ZNF273: variants seen among roughly 807,000 people sequenced by gnomAD.
ZNF273 encodes zinc finger protein 273.
Under a neutral mutation model 14.9 loss-of-function variants are expected in ZNF273, and 11 were observed. The observed-to-expected ratio is 0.74, with a 90% CI of 0.46 to 1.22. ZNF273 has a LOEUF of 1.22. Ranked by LOEUF, ZNF273 falls within the 50% of genes most tolerant of loss-of-function variation. The probability of loss-of-function intolerance (pLI) is 0.00; values close to 1 mark genes in which losing one functional copy is unlikely to be tolerated. For missense variants in ZNF273, 577 were observed against 660.6 expected (o/e 0.87, Z 1.39); for synonymous variants, 199 against 223.9 (o/e 0.89, Z 0.99).
At chr7:64,903,187 C>A, upstream of ZNF273, 1 of 698,324 alleles carries the variant, frequency 1.4e-6, no homozygotes, top group Non-Finnish European at 2.4e-6. Context: ...AAACATCCTC[C>A]AATCAGGGAC....
chr7:64,927,991 AACTC>A lies in ZNF273; in HGVS notation c.665_668del (p.Thr222SerfsTer9), dbSNP rs1407471633. 6.2e-7 allele frequency: 1 copy of A among 1,614,010 alleles called. No homozygotes were observed. The highest frequency in any genetic ancestry group is 2.2e-5 in the East Asian group (1 of 44,830). On this transcript the variant is annotated frameshift_variant, in exon 4 of 4. Coordinates refer to ENST00000476120, the MANE Select transcript of ZNF273 (RefSeq NM_021148.3). LOFTEE classifies it low-confidence loss of function (END_TRUNC). ...AATCATGTTGCATACTTTCACAACT[AACTC>A]AGCATAAGAAAACTGCTACTAGAGT...
chr7:64,912,809 A>T, intron 1 of ZNF273, among the ~76,000 whole-genome samples: 3 of 66,650 alleles, frequency 4.5e-5, no homozygotes, highest in Admixed American at 1.6e-4. Context: ...TTTCTTTTTG[A>T]CTCAGGATTC....
chr7:64,899,068 G>C (rs1534149), upstream of ZNF273, among the ~76,000 whole-genome samples: 149,250 of 152,372 alleles, frequency 0.98, 73,181 homozygotes, highest in East Asian at 1. Context: ...TCCTGCCTAT[G>C]AAAATTCTTG....
chr7:64,882,761 G>C (rs1791307473), downstream of ZNF273: 1 of 152,412 alleles, frequency 6.6e-6, no homozygotes, highest in Non-Finnish European at 1.5e-5. Context: ...CGCAGGAGGC[G>C]TCAGGCCTGC....
In ZNF273 at chr7:64,928,901, C is replaced by A; in HGVS notation, c.1573C>A (p.Arg525=). Residue 525 remains arginine (R), a synonymous_variant, in exon 4 of 4, where the codon CGG becomes AGG. Coordinates refer to ENST00000476120, the MANE Select transcript of ZNF273 (RefSeq NM_021148.3). ...KCEECGKAFN[R]SSNLTRHKKI... is the part of the protein sequence containing the mutation. ...TGAAGAATGTGGCAAAGCTTTTAAC[C>A]GGTCCTCAAACCTTACTCGACATAA... 2 of 1,613,848 alleles carry A rather than the reference C, an allele frequency of 1.2e-6. No individual in the cohort carries two copies. Among genetic ancestry groups the A allele is most frequent in the Non-Finnish European group, 1.7e-6 (2 of 1,179,888 alleles).
At chr7:64,880,074 G>C (rs1481188554), downstream of ZNF273, 2 of 152,364 alleles carry the variant, frequency 1.3e-5, no homozygotes, top group African/African-American at 4.8e-5. Context: ...TCGAGTCACA[G>C]TGAATGCCTT....
At chr7:64,887,190 T>C (rs1397313156) in intron 1 of ZNF273, among the ~76,000 whole-genome samples, 1 of 152,248 alleles carries the variant, frequency 6.6e-6, no homozygotes, top group African/African-American at 2.4e-5. Context: ...TTCTGATGGA[T>C]GAAGTGGAGG....
downstream of ZNF273, chr7:64,893,720 T>G (rs1251421240): frequency 9.8e-6 from 1 of 101,588 alleles, no homozygotes; most frequent in African/African-American, 4.3e-5. Flanking sequence ...CCCTTCCCCT[T>G]CCCTTCCCTT....
In ZNF273 at chr7:64,903,306, C is replaced by A; in HGVS notation, c.-12C>A. On this transcript the variant is annotated 5_prime_UTR_variant, in exon 1 of 4. Transcript: ENST00000476120. ...CTGCAGTCGCAGCTCCAGGTCTCGT[C>A]TTCACTGCTCTATGTCCTCTGCTCC... The A allele has an allele frequency of 6.2e-7, 1 of 1,605,534 alleles. No homozygotes were observed. Among genetic ancestry groups the A allele is most frequent in the Non-Finnish European group, 8.5e-7 (1 of 1,173,456 alleles).
downstream of ZNF273, among the ~76,000 whole-genome samples, chr7:64,893,161 ACT>A (rs1269450123): frequency 6.6e-6 from 1 of 151,838 alleles, no homozygotes; most frequent in East Asian, 1.9e-4. Context: ...TCTGCCAAGT[ACT>A]CTTTTATGCT....
chr7:64,920,458 C>T (rs1408727393), intron 3 of ZNF273, among the ~76,000 whole-genome samples: 1 of 152,116 alleles, frequency 6.6e-6, no homozygotes, highest in Non-Finnish European at 1.5e-5. Flanking sequence ...CTTCAGGGAC[C>T]ATAGTAAAGC....
At chr7:64,904,426 G>A (rs1792949085) in intron 1 of ZNF273, among the ~76,000 whole-genome samples, 1 of 152,066 alleles carries the variant, frequency 6.6e-6, no homozygotes, top group Admixed American at 6.6e-5. Flanking sequence ...TGGGGACCCT[G>A]GGACTGGAGC....
chr7:64,880,834 G>A (rs148862888), downstream of ZNF273, among the ~76,000 whole-genome samples: 1,186 of 152,208 alleles, frequency 7.8e-3, 17 homozygotes, highest in African/African-American at 0.028. Context: ...CCAGACCCCA[G>A]CAGTCCTGTG....
intron 1 of ZNF273, 97 bp from the exon 2 acceptor site, chr7:64,917,484 C>T: frequency 6.6e-7 from 1 of 1,517,414 alleles, no homozygotes; most frequent in East Asian, 2.6e-5. Context: ...TAAGTAAAAA[C>T]CAGTTCTCTT....
chr7:64,909,978 G>A (rs1287618742), intron 1 of ZNF273, among the ~76,000 whole-genome samples: 2 of 151,860 alleles, frequency 1.3e-5, no homozygotes, highest in Non-Finnish European at 2.9e-5. Flanking sequence ...TTAGCCACAT[G>A]TGTGTCTTCT....
rs918222579 is a variant in ZNF273 at position 64,928,566 on chromosome 7, G to A, written c.1238G>A (p.Arg413Gln). The A allele has an allele frequency of 1.1e-5, 17 of 1,612,876 alleles. No homozygotes were observed. The highest frequency in any genetic ancestry group is 3.3e-4 in the Middle Eastern group (2 of 6,064). ...KCEECGKAFK[R>Q]STTLTKHKRI... ...GAAGAATGTGGTAAAGCCTTTAAAC[G>A]GTCCACAACTCTTACTAAACATAAG... Residue 413 changes from arginine (R) to glutamine (Q), a missense_variant, in exon 4 of 4, where the codon CGG (arginine) becomes CAG (glutamine). Around this residue, in one of 3 missense-constraint regions of ZNF273, gnomAD observed 411 missense variants for 440.4 expected, o/e 0.93. Coordinates refer to ENST00000476120, the MANE Select transcript of ZNF273 (RefSeq NM_021148.3).
downstream of ZNF273, among the ~76,000 whole-genome samples, chr7:64,883,363 G>A (rs1791378154): frequency 6.6e-6 from 1 of 152,094 alleles, no homozygotes; most frequent in Non-Finnish European, 1.5e-5. Flanking sequence ...AATCCACCTC[G>A]AATTCGGTTC....
Position 64,929,858 on chromosome 7 carries a change from TTTTG to T in ZNF273, c.*840_*843del, listed in dbSNP as rs201254174. 1.5e-4 allele frequency: 23 copies of T among 150,794 alleles called. No individual in the cohort carries two copies. Among genetic ancestry groups the T allele is most frequent in the Non-Finnish European group, 2.4e-4 (17 of 69,734 alleles). 9.3% of individuals were successfully genotyped at this position (150,794 alleles called of 1,614,324 possible). On this transcript the variant is annotated 3_prime_UTR_variant, in exon 4 of 4. Transcript: ENST00000476120. ...TTTTTTTTGGTTTTGGTTTTGGGTT[TTTTG>T]TTTGTTTGTTTGTTTGTTTTTGAGA...
At chr7:64,916,563 A>C (rs991216617) in intron 1 of ZNF273, among the ~76,000 whole-genome samples, 2 of 150,534 alleles carry the variant, frequency 1.3e-5, no homozygotes, top group African/African-American at 4.8e-5. Flanking sequence ...AAAAAAAAAA[A>C]AACCATACAC....
Sources: allele counts gnomAD v4.1 joint callset (sites outside exome capture counted in the v4.1 genomes callset), GRCh38; gene constraint gnomAD v4.1.1; regional missense constraint gnomAD v4.1.1; transcripts MANE v1.5; gene names NCBI Gene and HGNC (gene_info 2026-07-23, HGNC 2026-07-21).